Variants in AGMO observed in about 807,000 individuals in gnomAD.
AGMO encodes glyceryl-ether monooxygenase.
A neutral mutation model predicts 60.2 loss-of-function variants in AGMO; 75 were observed. The ratio of observed to expected loss-of-function variants is 1.25; its 90% CI spans 1.03 to 1.51. The LOEUF is 1.51. Among genes scored for constraint, AGMO ranks in the 40% most tolerant of loss-of-function variants. AGMO has a pLI of 0.00. For missense variants in AGMO, 763 were observed against 525.5 expected, an observed-to-expected ratio of 1.45 and a Z score of -4.42; for synonymous variants, 261 against 177.1, an observed-to-expected ratio of 1.47 and a Z score of -3.76.
intron 4 of AGMO, among the ~76,000 whole-genome samples, chr7:15,424,342 G>A (rs1318988280): frequency 1.3e-5 from 2 of 152,126 alleles, no homozygotes; most frequent in African/African-American, 2.4e-5. Context: ...AATGGGTGAT[G>A]CACTATCATA....
At chr7:15,236,917 G>C (rs2128501341) in intron 12 of AGMO, among the ~76,000 whole-genome samples, 1 of 151,628 alleles carries the variant, frequency 6.6e-6, no homozygotes, top group Non-Finnish European at 1.5e-5. Flanking sequence ...TAAGAAACTG[G>C]TAAATAAAAG....
At chr7:15,166,630 A>G in the AGMO span, among the ~76,000 whole-genome samples, 3 of 152,130 alleles carry the variant, frequency 2.0e-5, no homozygotes, top group Non-Finnish European at 2.9e-5. Context: ...GAAAAGGGGG[A>G]AAAGTAGAGA....
chr7:15,320,271 C>G (rs1248554140), intron 12 of AGMO, among the ~76,000 whole-genome samples: 3 of 151,538 alleles, frequency 2.0e-5, no homozygotes, highest in African/African-American at 7.3e-5. Context: ...TAAAAATATA[C>G]ACATAAAATA....
chr7:15,157,714 C>A, the AGMO span, among the ~76,000 whole-genome samples: 1 of 152,216 alleles, frequency 6.6e-6, no homozygotes, highest in Non-Finnish European at 1.5e-5. Flanking sequence ...CAGGTTCAAG[C>A]TTGCTGGTGA....
At chr7:15,176,865 T>C in the AGMO span, among the ~76,000 whole-genome samples, 1 of 151,966 alleles carries the variant, frequency 6.6e-6, no homozygotes, top group Admixed American at 6.6e-5. Context: ...ATTTGCAGGA[T>C]GCTATACACA....
chr7:15,311,494 AAAT>A (rs1432567294), intron 12 of AGMO, among the ~76,000 whole-genome samples: 2 of 152,096 alleles, frequency 1.3e-5, no homozygotes, highest in African/African-American at 2.4e-5. Flanking sequence ...TAAAAAAAAA[AAAT>A]TTCAAGAAGC....
rs899578962 is a variant in AGMO, at chr7:15,413,258, T to G, written c.609+5300A>C. Among the ~76,000 whole-genome samples the G allele has an allele frequency of 2.0e-5, 3 of 152,140 alleles. No homozygotes were observed. The East Asian group carries it at 5.8e-4, about 29-fold the overall frequency. ...AAAGTAGGTAAAAGATTAAATAAAC[T>G]TGAAGACAAATTAATATGTTATTCA... On this transcript the variant is annotated intron_variant, in intron 5 of 12. Transcript: ENST00000342526.
chr7:15,517,384 G>A (rs1034765842), intron 3 of AGMO, among the ~76,000 whole-genome samples: 8 of 151,062 alleles, frequency 5.3e-5, no homozygotes, highest in South Asian at 2.1e-4. Flanking sequence ...CAAGATGGTC[G>A]AATAGAAACA....
chr7:15,141,890 AAC>A, the AGMO span, among the ~76,000 whole-genome samples: 1 of 152,204 alleles, frequency 6.6e-6, no homozygotes, highest in Non-Finnish European at 1.5e-5. Context: ...TCTGCCAGGT[AAC>A]ACAGCAATTT....
At chr7:15,292,919 A>G (rs1784314214) in intron 12 of AGMO, among the ~76,000 whole-genome samples, 1 of 149,740 alleles carries the variant, frequency 6.7e-6, no homozygotes, top group African/African-American at 2.4e-5. Context: ...CACCAAATCC[A>G]GCTAATTTTT....
intron 12 of AGMO, among the ~76,000 whole-genome samples, chr7:15,224,064 A>C (rs1258068532): frequency 1.3e-5 from 2 of 152,094 alleles, no homozygotes. Flanking sequence ...GGGTAAAAAG[A>C]ATAAAGAGAG....
At chr7:15,359,388 G>C (rs534677167) in intron 12 of AGMO, among the ~76,000 whole-genome samples, 1 of 151,184 alleles carries the variant, frequency 6.6e-6, no homozygotes, top group Admixed American at 6.6e-5. Flanking sequence ...TATGCTTTGG[G>C]TGTTTCTAAT....
At chr7:15,155,854 A>C in the AGMO span, among the ~76,000 whole-genome samples, 1 of 152,234 alleles carries the variant, frequency 6.6e-6, no homozygotes, top group East Asian at 1.9e-4. Context: ...AGTGTGGAAT[A>C]AGTTGCCTTT....
intron 3 of AGMO, among the ~76,000 whole-genome samples, chr7:15,473,431 C>A (rs1352709445): frequency 3.9e-5 from 6 of 151,956 alleles, no homozygotes; most frequent in Non-Finnish European, 8.8e-5. Context: ...CAAAACCTGG[C>A]AGAGACACAA....
At chr7:15,136,585 C>CA in the AGMO span, among the ~76,000 whole-genome samples, 1 of 152,006 alleles carries the variant, frequency 6.6e-6, no homozygotes, top group Non-Finnish European at 1.5e-5. Context: ...CCATTGGGTC[C>CA]AAAATCTCAG....
intron 12 of AGMO, among the ~76,000 whole-genome samples, chr7:15,344,543 C>A (rs1781967064): frequency 2.0e-5 from 3 of 151,936 alleles, no homozygotes. Flanking sequence ...ACCAAAAATA[C>A]AAAAATTAGC....
chr7:15,305,398 T>A (rs1402575692), intron 12 of AGMO, among the ~76,000 whole-genome samples: 1 of 151,982 alleles, frequency 6.6e-6, no homozygotes, highest in Non-Finnish European at 1.5e-5. Context: ...GCAATTTGAG[T>A]AAAGTATTTT....
intron 12 of AGMO, among the ~76,000 whole-genome samples, chr7:15,335,012 T>C (rs1337032232): frequency 6.6e-6 from 1 of 152,158 alleles, no homozygotes; most frequent in Non-Finnish European, 1.5e-5. Flanking sequence ...AAATGCTAGC[T>C]TTATGTTGTA....
intron 12 of AGMO, among the ~76,000 whole-genome samples, chr7:15,274,877 T>C (rs886108226): frequency 2.4e-4 from 36 of 152,030 alleles, no homozygotes; most frequent in Non-Finnish European, 4.1e-4. Flanking sequence ...CATTTTTTTT[T>C]CTGTGGTATC....
Sources: gnomAD v4.1 joint callset for allele counts (sites outside exome capture counted in the v4.1 genomes callset) on GRCh38, gnomAD v4.1.1 for gene constraint, MANE v1.5 for transcripts, NCBI Gene and HGNC (gene_info 2026-07-23, HGNC 2026-07-21) for gene names.